The following PCOLCE2 variants were observed in gnomAD, a reference collection of about 807,000 sequenced individuals.
PCOLCE2 encodes the protein procollagen C-proteinase enhancer 2.
PCOLCE2 carries 42 observed loss-of-function variants against 47.0 expected under a neutral mutation model. The ratio of observed to expected loss-of-function variants is 0.89; its 90% CI spans 0.70 to 1.16. The LOEUF (loss-of-function observed/expected upper bound fraction) is 1.16, where lower values mean the gene tolerates loss of function less well. Among genes scored for constraint, PCOLCE2 ranks in the 50% most tolerant of loss-of-function variants. The pLI, the probability that PCOLCE2 is intolerant of heterozygous loss-of-function variation, is 0.00. For missense variants in PCOLCE2, 500 were observed against 526.1 expected (o/e 0.95, Z 0.49); for synonymous variants, 169 against 191.7 (o/e 0.88, Z 0.98).
intron 2 of PCOLCE2, among the ~76,000 whole-genome samples, chr3:142,871,511 C>T (rs1933385815): frequency 6.6e-6 from 1 of 152,218 alleles, no homozygotes; most frequent in Non-Finnish European, 1.5e-5. Flanking sequence ...CTAGGTGTTG[C>T]TGTGAAGGTG....
rs543826170 is a variant in PCOLCE2, at chr3:142,852,844, C to T, written c.193-4372G>A. Among the ~76,000 whole-genome samples, 38 of 151,494 alleles carry T rather than the reference C, an allele frequency of 2.5e-4. No individual in the cohort carries two copies. In the South Asian group the frequency reaches 7.9e-3, roughly 32 times the overall value. ...TAACAAAAATGGTGCCAGGCTCATG[C>T]TTGTAATCTTAATACTTTGGGAGGC... On this transcript the variant is annotated intron_variant, in intron 2 of 8. Transcript: ENST00000295992.
At chr3:142,861,188 A>C (rs2108203734) in intron 2 of PCOLCE2, among the ~76,000 whole-genome samples, 1 of 152,370 alleles carries the variant, frequency 6.6e-6, no homozygotes, top group East Asian at 1.9e-4. Context: ...AGCTTCCAGC[A>C]ATAGGCTGAT....
At chr3:142,876,427 C>G (rs1933499632) in intron 2 of PCOLCE2, among the ~76,000 whole-genome samples, 1 of 152,074 alleles carries the variant, frequency 6.6e-6, no homozygotes, top group African/African-American at 2.4e-5. Flanking sequence ...AGTAGCAAGC[C>G]CAAAGTCATA....
intron 2 of PCOLCE2, among the ~76,000 whole-genome samples, chr3:142,872,332 G>A (rs535851456): frequency 4.6e-5 from 7 of 152,006 alleles, no homozygotes; most frequent in African/African-American, 7.2e-5. Context: ...TATTTTCTAC[G>A]GGGGCCCTTA....
At chr3:142,873,714 C>T (rs76700428) in intron 2 of PCOLCE2, among the ~76,000 whole-genome samples, 9,597 of 152,164 alleles carry the variant, frequency 0.063, 348 homozygotes, top group African/African-American at 0.1. Context: ...CAACAATAAA[C>T]CCAAACAGCC....
At chr3:142,826,171 AT>A (rs1172298814) in intron 6 of PCOLCE2, among the ~76,000 whole-genome samples, 1 of 151,728 alleles carries the variant, frequency 6.6e-6, no homozygotes, top group Non-Finnish European at 1.5e-5. Context: ...CGCCCGGCTA[AT>A]TTTTTTGTAT....
At chr3:142,822,129 C>G (rs191079727) in intron 7 of PCOLCE2, among the ~76,000 whole-genome samples, 28 of 152,164 alleles carry the variant, frequency 1.8e-4, no homozygotes, top group African/African-American at 6.5e-4. Flanking sequence ...GTTTGTCAGG[C>G]TGGTCTCGAA....
intron 6 of PCOLCE2, among the ~76,000 whole-genome samples, chr3:142,827,912 G>C (rs1937103536): frequency 6.6e-6 from 1 of 152,138 alleles, no homozygotes; most frequent in African/African-American, 2.4e-5. Context: ...TATCCCCCTA[G>C]CTGTGCAAGC....
intron 2 of PCOLCE2, among the ~76,000 whole-genome samples, chr3:142,871,280 C>A (rs1245946011): frequency 6.6e-6 from 1 of 152,212 alleles, no homozygotes; most frequent in African/African-American, 2.4e-5. Flanking sequence ...ATCTGAATTA[C>A]AACAAAAGGC....
chr3:142,857,753 C>G (rs760420174), intron 2 of PCOLCE2, among the ~76,000 whole-genome samples: 1 of 152,134 alleles, frequency 6.6e-6, no homozygotes, highest in East Asian at 1.9e-4. Context: ...ATCCCAACAA[C>G]CACAGGTTGA....
intron 2 of PCOLCE2, among the ~76,000 whole-genome samples, chr3:142,848,936 A>G (rs1024510528): frequency 4.6e-5 from 7 of 152,044 alleles, no homozygotes; most frequent in South Asian, 2.1e-4. Context: ...GGCGGATCAC[A>G]AGGTCAGGAG....
intron 8 of PCOLCE2, 108 bp from the exon 9 acceptor site, chr3:142,818,573 G>A (rs942039420): frequency 1.2e-6 from 1 of 855,022 alleles, no homozygotes; most frequent in Non-Finnish European, 1.9e-6. Flanking sequence ...CAAATGGTAA[G>A]ATTATACATG....
chr3:142,888,789 G>T, intron 1 of PCOLCE2, 25 bp downstream of exon 1: 1 of 1,402,726 alleles, frequency 7.1e-7, no homozygotes, highest in Non-Finnish European at 9.5e-7. Context: ...GGAGAGAAAG[G>T]GAGCCCGGGC....
intron 2 of PCOLCE2, among the ~76,000 whole-genome samples, chr3:142,876,444 G>A (rs147120381): frequency 0.012 from 1,868 of 152,208 alleles, 17 homozygotes; most frequent in South Asian, 0.019. Context: ...CATACAGCTC[G>A]TAATTGTTAC....
intron 4 of PCOLCE2, among the ~76,000 whole-genome samples, chr3:142,840,262 A>G (rs1439087665): frequency 6.6e-6 from 1 of 152,248 alleles, no homozygotes; most frequent in Non-Finnish European, 1.5e-5. Context: ...ACTAGTACCA[A>G]TAATAGTGTC....
chr3:142,872,540 G>A (rs971902317), intron 2 of PCOLCE2, among the ~76,000 whole-genome samples: 4 of 152,178 alleles, frequency 2.6e-5, no homozygotes, highest in East Asian at 1.9e-4. Context: ...AATATCCCAC[G>A]TGCCTAGAAC....
chr3:142,851,164 A>G (rs557140182), intron 2 of PCOLCE2, among the ~76,000 whole-genome samples: 1 of 152,330 alleles, frequency 6.6e-6, no homozygotes, highest in South Asian at 2.1e-4. Context: ...TGTGGAAGAG[A>G]GAGGCACTAC....
intron 2 of PCOLCE2, 126 bp downstream of exon 2, chr3:142,887,543 T>A: frequency 1.6e-6 from 1 of 628,200 alleles, no homozygotes; most frequent in Middle Eastern, 2.6e-4. Context: ...TTGGGGTAAA[T>A]CCAACATTTC....
intron 2 of PCOLCE2, among the ~76,000 whole-genome samples, chr3:142,859,785 T>C (rs1028667769): frequency 2.0e-5 from 3 of 152,258 alleles, no homozygotes; most frequent in Non-Finnish European, 4.4e-5. Context: ...CAGGGTGCTC[T>C]GATCCACCTG....
Sources: allele counts gnomAD v4.1 joint callset (sites outside exome capture counted in the v4.1 genomes callset), GRCh38; gene constraint gnomAD v4.1.1; transcripts MANE v1.5; gene names NCBI Gene and HGNC (gene_info 2026-07-23, HGNC 2026-07-21).